MYH15: variants seen among roughly 807,000 people sequenced by gnomAD.
MYH15 encodes the protein myosin-15.
MYH15 carries 227 observed loss-of-function variants against 240.5 expected under a neutral mutation model. The observed-to-expected ratio is 0.94, with a 90% CI of 0.85 to 1.05. The LOEUF is 1.05. Ranked by LOEUF, MYH15 falls within the 50% of genes least tolerant of loss-of-function variation. The pLI, the probability that MYH15 is intolerant of heterozygous loss-of-function variation, is 0.00. For synonymous variants in MYH15, 785 were observed against 796.7 expected, an observed-to-expected ratio of 0.99 and a Z score of 0.25; for missense variants, 2,217 against 2,247.5, an observed-to-expected ratio of 0.99 and a Z score of 0.27.
chr3:108,550,271 A>T, the MYH15 span: 1 of 151,558 alleles, frequency 6.6e-6, no homozygotes, highest in Non-Finnish European at 1.5e-5. Flanking sequence ...ACCAATTAAA[A>T]ACTATTAGGA....
rs753681418 is a variant in MYH15 at position 108,437,550 on chromosome 3, T to G, written c.3221+4A>C. 1.9e-6 allele frequency: 3 copies of G among 1,611,156 alleles called. No homozygotes were observed. Among genetic ancestry groups the G allele is most frequent in the Non-Finnish European group, 2.5e-6 (3 of 1,179,022 alleles). On this transcript the variant is annotated splice_donor_region_variant and intron_variant, in intron 25 of 40. Coordinates refer to ENST00000693548, the MANE Select transcript of MYH15 (RefSeq NM_014981.3). ...AATCTCATGTCAACAGAAAGGTGGC[T>G]TACTTCCTCAGCTCTTCTGCCAGGT...
chr3:108,414,443 C>T lies in MYH15; in HGVS notation c.3949-15G>A. The T allele has an allele frequency of 6.2e-7, 1 of 1,600,110 alleles. No homozygotes were observed. Among genetic ancestry groups the T allele is most frequent in the Non-Finnish European group, 8.5e-7 (1 of 1,172,034 alleles). On this transcript the variant is annotated splice_polypyrimidine_tract_variant and intron_variant, in intron 29 of 40. Coordinates refer to ENST00000693548, the MANE Select transcript of MYH15 (RefSeq NM_014981.3). ...GCACTCTGGGACTGTAGGGGACACACATTAACAAAAAGGTCATGACCACCA... is the reference window on the plus strand; with the variant it reads ...GCACTCTGGGACTGTAGGGGACACATATTAACAAAAAGGTCATGACCACCA...
intron 29 of MYH15, 58 bp from the exon 30 acceptor site, chr3:108,414,486 G>T: frequency 6.8e-7 from 1 of 1,471,742 alleles, no homozygotes; most frequent in Non-Finnish European, 9.1e-7. Context: ...CACAAGTCTT[G>T]AAAGTAAGCT....
chr3:108,456,918 C>A (rs773110817), intron 18 of MYH15, 35 bp from the exon 19 acceptor site: 1 of 1,484,496 alleles, frequency 6.7e-7, no homozygotes, highest in Non-Finnish European at 9.3e-7. Flanking sequence ...GGATCTGTGC[C>A]TGAAAAAAAA....
rs781142298 is a variant in MYH15 at position 108,493,154 on chromosome 3, A to G, written c.735T>C (p.Phe245=). Residue 245 remains phenylalanine, a synonymous_variant, in exon 8 of 41, where the codon TTT becomes TTC. Coordinates refer to ENST00000693548, the MANE Select transcript of MYH15 (RefSeq NM_014981.3). Reference sequence around the variant, plus strand: ...CAGATGACAGCATGCCTCTGGCACCAAAGTGCATCCTGATGAATTTGCCCT... The same window carrying G: ...CAGATGACAGCATGCCTCTGGCACCGAAGTGCATCCTGATGAATTTGCCCT... The part of the protein sequence containing the change: ...SRFGKFIRMH[F]GARGMLSSVD... 1 of 1,614,194 alleles carries G rather than the reference A, an allele frequency of 6.2e-7. No homozygotes were observed. The highest frequency in any genetic ancestry group is 1.7e-5 in the Admixed American group (1 of 60,024).
intron 33 of MYH15, among the ~76,000 whole-genome samples, chr3:108,401,134 G>A (rs1240383054): frequency 1.3e-5 from 2 of 152,072 alleles, no homozygotes; most frequent in East Asian, 1.9e-4. Context: ...AGTTAATATG[G>A]ACTTTTAGGA....
In MYH15 at chr3:108,408,216, T is replaced by A. The variant is rs1269622808; in HGVS notation, c.4620+64A>T. On this transcript the variant is annotated intron_variant, in intron 32 of 40. Transcript: ENST00000693548. ...TGTCCTTTTGTTGGTGCTGCTGTTA[T>A]TGCTGAATGCAGATCTTCTGCCTTG... 1.0e-5 allele frequency: 16 copies of A among 1,537,368 alleles called. No homozygotes were observed. The East Asian group carries it at 3.6e-4, about 35-fold the overall frequency.
At chr3:108,546,623 G>A in the MYH15 span, among the ~76,000 whole-genome samples, 3 of 152,090 alleles carry the variant, frequency 2.0e-5, no homozygotes, top group African/African-American at 7.2e-5. Flanking sequence ...AGAGAATATA[G>A]ATACTGGGTC....
intron 30 of MYH15, 74 bp from the exon 31 acceptor site, chr3:108,411,006 A>G (rs957401126): frequency 4.6e-6 from 6 of 1,292,488 alleles, no homozygotes; most frequent in Admixed American, 4.8e-5. Context: ...GCCCTGGATT[A>G]AAGATAGAGC....
At chr3:108,501,154 G>A (rs2083434236) in intron 3 of MYH15, among the ~76,000 whole-genome samples, 1 of 152,216 alleles carries the variant, frequency 6.6e-6, no homozygotes, top group African/African-American at 2.4e-5. Flanking sequence ...CTGGTTGCAT[G>A]CCATGGCTCC....
At position 108,437,576 on chromosome 3, in the gene MYH15, G is replaced by A. The variant is rs746076141; in HGVS notation, c.3199C>T (p.His1067Tyr). Reference protein sequence around the residue: ...SMENLESSQRHLAEELRKKEL... With the variant: ...SMENLESSQRYLAEELRKKEL... ...TACTTCCTCAGCTCTTCTGCCAGGTGTCGCTGGCTGCTTTCCAGGTTCTCC... is the reference window on the plus strand; with the variant it reads ...TACTTCCTCAGCTCTTCTGCCAGGTATCGCTGGCTGCTTTCCAGGTTCTCC... Residue 1067 changes from histidine (H) to tyrosine (Y), a missense_variant, in exon 25 of 41, where the codon CAC (histidine) becomes TAC (tyrosine). Physicochemically the swap from His to Tyr is moderately conservative, Grantham distance 83. Transcript: ENST00000693548. The A allele has an allele frequency of 7.4e-6, 12 of 1,613,578 alleles. No homozygotes were observed. The South Asian group carries it at 7.7e-5, about 10-fold the overall frequency.
chr3:108,480,281 T>C (rs1403444076), intron 11 of MYH15, among the ~76,000 whole-genome samples: 4 of 152,170 alleles, frequency 2.6e-5, no homozygotes, highest in Admixed American at 2.6e-4. Context: ...AGAGTTTCCT[T>C]AACAATGAAC....
intron 22 of MYH15, among the ~76,000 whole-genome samples, chr3:108,444,211 A>G (rs1227526746): frequency 6.6e-6 from 1 of 152,016 alleles, no homozygotes; most frequent in Non-Finnish European, 1.5e-5. Context: ...GTTGATTTGG[A>G]CCCAGGAAGG....
chr3:108,532,790 A>G (rs764075294), upstream of MYH15, among the ~76,000 whole-genome samples: 10 of 152,222 alleles, frequency 6.6e-5, no homozygotes, highest in Non-Finnish European at 1.3e-4. Context: ...AAGAGAAGGC[A>G]GTAAAATTAA....
chr3:108,428,732 T>G lies in MYH15; in HGVS notation c.3462A>C (p.Glu1154Asp). Residue 1154 changes from glutamate to aspartate, a missense_variant, in exon 27 of 41, where the codon GAA becomes GAC. Transcript: ENST00000693548. ...EVGGSSLAQL[E>D]ITKKQETKFQ... ...ATTTGGTTTCCTGTTTCTTAGTTAT[T>G]TCCAGCTGAGCCAAACTGGATCCTC... 1 of 1,613,986 alleles carries G rather than the reference T, an allele frequency of 6.2e-7. No individual in the cohort carries two copies. The highest frequency in any genetic ancestry group is 1.7e-4 in the Middle Eastern group (1 of 6,060).
At chr3:108,467,536 A>G (rs1035925557) in intron 14 of MYH15, among the ~76,000 whole-genome samples, 1 of 152,180 alleles carries the variant, frequency 6.6e-6, no homozygotes, top group African/African-American at 2.4e-5. Flanking sequence ...AAAGTATTGA[A>G]GCCAATTTTC....
chr3:108,447,964 A>C (rs1212672086), intron 21 of MYH15, among the ~76,000 whole-genome samples: 2 of 152,148 alleles, frequency 1.3e-5, no homozygotes, highest in East Asian at 3.8e-4. Flanking sequence ...AATAACATAA[A>C]ATGTGGGGAC....
At position 108,394,013 on chromosome 3, in the gene MYH15, C is replaced by A. The variant is rs551415989; in HGVS notation, c.5259+18G>T. ...GAACTCTGGGAGACAGGATTGAGTACGTGGTCAAGGGACCCACCTCAATGG... is the reference window on the plus strand; with the variant it reads ...GAACTCTGGGAGACAGGATTGAGTAAGTGGTCAAGGGACCCACCTCAATGG... On this transcript the variant is annotated intron_variant, in intron 36 of 40. Transcript: ENST00000693548. 9.3e-6 allele frequency: 15 copies of A among 1,613,068 alleles called. No homozygotes were observed. The South Asian group carries it at 1.6e-4, about 18-fold the overall frequency.
chr3:108,492,950 G>GAAAGA (rs773504562), intron 8 of MYH15, among the ~76,000 whole-genome samples, 164 bp downstream of exon 8: 3 of 144,932 alleles, frequency 2.1e-5, no homozygotes, highest in East Asian at 4.1e-4. Flanking sequence ...ACCCTGTCAA[G>GAAAGA]AAAGAAAAGA....
Sources: allele counts gnomAD v4.1 joint callset (sites outside exome capture counted in the v4.1 genomes callset), GRCh38; gene constraint gnomAD v4.1.1; transcripts MANE v1.5; gene names NCBI Gene and HGNC (gene_info 2026-07-23, HGNC 2026-07-21).